The following ANO2 variants were observed in gnomAD, a reference collection of about 807,000 sequenced individuals.
ANO2 encodes the protein anoctamin-2.
ANO2 carries 101 observed loss-of-function variants against 124.2 expected under a neutral mutation model. The ratio of observed to expected loss-of-function variants is 0.81; its 90% CI spans 0.69 to 0.96. The LOEUF (loss-of-function observed/expected upper bound fraction) is 0.96, where lower values mean the gene tolerates loss of function less well. ANO2 is among the 40% of genes least tolerant of loss of function. The probability of loss-of-function intolerance (pLI) is 0.00; values close to 1 mark genes in which losing one functional copy is unlikely to be tolerated. For missense variants in ANO2, 1,293 were observed against 1,274.5 expected (o/e 1.01, Z -0.22); for synonymous variants, 486 against 482.5 (o/e 1.01, Z -0.09).
chr12:5,659,989 T>C (rs1015144862), intron 14 of ANO2, among the ~76,000 whole-genome samples: 7 of 152,190 alleles, frequency 4.6e-5, no homozygotes, highest in African/African-American at 1.7e-4. Flanking sequence ...AAGCAAGTCG[T>C]CATCCCTCTC....
chr12:5,645,172 T>C (rs1480523424), intron 15 of ANO2, among the ~76,000 whole-genome samples: 1 of 152,026 alleles, frequency 6.6e-6, no homozygotes, highest in East Asian at 1.9e-4. Flanking sequence ...CTGTTTTCCA[T>C]ATTGCCAATC....
rs1003324489 is a variant in ANO2 at position 5,900,732 on chromosome 12, C to T, written c.534+20308G>A. ...GGCCGGGACAGGAAATGGCCAAGCA[C>T]ACAGCATCTTCCCAACCTCCCCTCT... On this transcript the variant is annotated intron_variant, in intron 3 of 24. Transcript: ENST00000682330. This position sits in a 1 kb window ranked among gnomAD's most constrained non-coding sequence, Gnocchi z 4.2. 6.6e-6 allele frequency among the ~76,000 whole-genome samples: 1 copy of T among 152,222 alleles called. No homozygotes were observed. Among genetic ancestry groups the T allele is most frequent in the African/African-American group, 2.4e-5 (1 of 41,450 alleles).
At chr12:5,776,885 C>T (rs1952247440) in intron 10 of ANO2, among the ~76,000 whole-genome samples, 1 of 152,196 alleles carries the variant, frequency 6.6e-6, no homozygotes, top group African/African-American at 2.4e-5. Context: ...GGGGGCAGAA[C>T]AATGCCATAA....
intron 15 of ANO2, among the ~76,000 whole-genome samples, chr12:5,639,059 CA>C (rs1473441360): frequency 6.6e-6 from 1 of 152,086 alleles, no homozygotes; most frequent in East Asian, 1.9e-4. Flanking sequence ...TAGCAGAGAG[CA>C]GGGGGATTAG....
intron 15 of ANO2, among the ~76,000 whole-genome samples, chr12:5,640,530 A>G (rs773559845): frequency 6.6e-6 from 1 of 152,234 alleles, no homozygotes; most frequent in Non-Finnish European, 1.5e-5. Flanking sequence ...ACAAATTTAC[A>G]AGAAAAAAAC....
At chr12:5,624,703 G>C (rs978618710) in intron 16 of ANO2, among the ~76,000 whole-genome samples, 1 of 152,178 alleles carries the variant, frequency 6.6e-6, no homozygotes, top group Non-Finnish European at 1.5e-5. Flanking sequence ...AATCCAATCA[G>C]CTCCCGCCGT....
chr12:5,783,488 A>G (rs532961179), intron 10 of ANO2, among the ~76,000 whole-genome samples: 2 of 152,334 alleles, frequency 1.3e-5, no homozygotes, highest in Admixed American at 1.3e-4. Flanking sequence ...TGAAACACAA[A>G]CAAGCCAACC....
At chr12:5,916,711 CT>C (rs1005809702) in intron 3 of ANO2, among the ~76,000 whole-genome samples, 3 of 123,916 alleles carry the variant, frequency 2.4e-5, no homozygotes, top group Admixed American at 9.9e-5. Flanking sequence ...ACAATAAAGT[CT>C]TTTTTTTAAT....
intron 19 of ANO2, among the ~76,000 whole-genome samples, chr12:5,609,437 G>A (rs1184126382): frequency 6.6e-6 from 1 of 152,126 alleles, no homozygotes; most frequent in East Asian, 1.9e-4. Context: ...ATGACCCAGT[G>A]TTAGAAGGGA....
chr12:5,923,094 G>A (rs61908425), intron 1 of ANO2, among the ~76,000 whole-genome samples: 2,721 of 26,676 alleles, frequency 0.1, 805 homozygotes, highest in African/African-American at 0.28. Context: ...ACACACACAC[G>A]CACACACATA....
chr12:5,782,076 C>T (rs941808780), intron 10 of ANO2, among the ~76,000 whole-genome samples: 2 of 152,142 alleles, frequency 1.3e-5, no homozygotes, highest in African/African-American at 4.8e-5. Flanking sequence ...TTGTCTATTT[C>T]TCCTTTTCGT....
At chr12:5,888,541 C>G (rs1305422825) in intron 3 of ANO2, among the ~76,000 whole-genome samples, 1 of 152,158 alleles carries the variant, frequency 6.6e-6, no homozygotes, top group Non-Finnish European at 1.5e-5. Context: ...TGACAGGGTG[C>G]TGACTGGTGT....
intron 1 of ANO2, among the ~76,000 whole-genome samples, chr12:5,935,054 A>G (rs1942589324): frequency 6.6e-6 from 1 of 152,194 alleles, no homozygotes; most frequent in Non-Finnish European, 1.5e-5. Flanking sequence ...AATCCTGAGA[A>G]TTTTATAAAA....
intron 19 of ANO2, among the ~76,000 whole-genome samples, chr12:5,604,831 C>T (rs758250743): frequency 2.6e-5 from 4 of 152,016 alleles, no homozygotes; most frequent in Non-Finnish European, 4.4e-5. Context: ...TTTTGGAAAC[C>T]TTCAGATTAC....
At position 5,904,345 on chromosome 12, in the gene ANO2, G is replaced by A. The variant is rs1940528210; in HGVS notation, c.534+16695C>T. Among the ~76,000 whole-genome samples, 1 of 152,196 alleles carries A rather than the reference G, an allele frequency of 6.6e-6. No homozygotes were observed. Among genetic ancestry groups the A allele is most frequent in the African/African-American group, 2.4e-5 (1 of 41,458 alleles). Reference sequence around the variant, plus strand: ...TAAGGCTTTGATCCCTGAGAAAAATGCAGCTGCCGCAAAGCAGGGTTACAC... The same window carrying A: ...TAAGGCTTTGATCCCTGAGAAAAATACAGCTGCCGCAAAGCAGGGTTACAC... On this transcript the variant is annotated intron_variant, in intron 3 of 24. Coordinates refer to ENST00000682330, the MANE Select transcript of ANO2 (RefSeq NM_001364791.2). The surrounding 1 kb of genome is among the most constrained non-coding windows in gnomAD (Gnocchi z 4.1).
At chr12:5,850,918 T>G (rs1164085858) in intron 4 of ANO2, among the ~76,000 whole-genome samples, 1 of 152,196 alleles carries the variant, frequency 6.6e-6, no homozygotes, top group African/African-American at 2.4e-5. Flanking sequence ...AAGAATCAGA[T>G]CCTTACAAAA....
chr12:5,570,949 G>T (rs1942071831), intron 23 of ANO2, among the ~76,000 whole-genome samples: 1 of 152,020 alleles, frequency 6.6e-6, no homozygotes, highest in African/African-American at 2.4e-5. Context: ...CAGGAAATGT[G>T]GCACCCAGAA....
intron 7 of ANO2, among the ~76,000 whole-genome samples, chr12:5,812,496 GAA>G (rs1467133874): frequency 0.044 from 3,883 of 88,046 alleles, 265 homozygotes; most frequent in African/African-American, 0.13. Flanking sequence ...AAGGAAGGAA[GAA>G]AGGGAGGGAG....
At chr12:5,687,689 C>A (rs754406093) in intron 14 of ANO2, among the ~76,000 whole-genome samples, 1 of 152,238 alleles carries the variant, frequency 6.6e-6, no homozygotes, top group Non-Finnish European at 1.5e-5. Flanking sequence ...TGCATTTCCA[C>A]AACACCTTTC....
Sources: allele counts gnomAD v4.1 joint callset (sites outside exome capture counted in the v4.1 genomes callset), GRCh38; gene constraint gnomAD v4.1.1; non-coding constraint Gnocchi (gnomAD v3.1); transcripts MANE v1.5; gene names NCBI Gene and HGNC (gene_info 2026-07-23, HGNC 2026-07-21).